The following CYB5D2 variants were observed in gnomAD, a reference collection of about 807,000 sequenced individuals.
CYB5D2 encodes cytochrome b5 domain containing 2.
A neutral mutation model predicts 22.8 loss-of-function variants in CYB5D2; 23 were observed. The observed-to-expected ratio is 1.01, with a 90% CI of 0.73 to 1.43. The LOEUF (loss-of-function observed/expected upper bound fraction) is 1.43. CYB5D2 is among the 40% of genes most tolerant of loss of function. CYB5D2 has a pLI of 0.00. For missense variants in CYB5D2, 373 were observed against 357.2 expected, an observed-to-expected ratio of 1.04 and a Z score of -0.36; for synonymous variants, 170 against 152.2, an observed-to-expected ratio of 1.12 and a Z score of -0.86.
chr17:4,143,635 TAGCGCGCGAGAGAGAGAGCGAG>T lies in CYB5D2; in HGVS notation c.-112_-91del, dbSNP rs2058921607. 2.9e-6 allele frequency: 4 copies of T among 1,389,354 alleles called. No homozygotes were observed. Among genetic ancestry groups the T allele is most frequent in the East Asian group, 2.4e-5 (1 of 41,882 alleles). The allele number at this position is 1,389,354 out of a possible 1,614,324, so 86.1% of individuals were successfully genotyped here. A position where few individuals can be genotyped will look rare whatever the true frequency, so the allele number is the denominator to read the frequency against. ...AGACTAAGGGAGGGAGCGCGAGCAC[TAGCGCGCGAGAGAGAGAGCGAG>T]AGCGCGCGCGCCGATGACGTCACGC... On this transcript the variant is annotated 5_prime_UTR_variant, in exon 1 of 4. Transcript: ENST00000301391.
In CYB5D2 at chr17:4,157,590, G is replaced by A. The variant is rs1412961276; in HGVS notation, c.*508G>A. On this transcript the variant is annotated 3_prime_UTR_variant, in exon 4 of 4. Transcript: ENST00000301391. The surrounding 1 kb of genome is among the most constrained non-coding windows in gnomAD (Gnocchi z 4.4). ...TTAAGCACTTAAAATCAGGTGTGGT[G>A]TGTTTTCAAAGGCAGAAGTCTGCAT... The A allele has an allele frequency of 1.3e-5, 2 of 157,568 alleles. No individual in the cohort carries two copies. Among genetic ancestry groups the A allele is most frequent in the African/African-American group, 2.4e-5 (1 of 41,508 alleles). The allele number at this position is 157,568 out of a possible 1,614,324, so 9.8% of individuals were successfully genotyped here. A position where few individuals can be genotyped will look rare whatever the true frequency, so the allele number is the denominator to read the frequency against.
intron 2 of CYB5D2, among the ~76,000 whole-genome samples, chr17:4,152,157 G>C (rs1448614628): frequency 1.3e-5 from 2 of 152,182 alleles, no homozygotes; most frequent in East Asian, 3.8e-4. Context: ...ATAATGTGTT[G>C]AGGATGGGGT....
intron 2 of CYB5D2, among the ~76,000 whole-genome samples, chr17:4,153,494 T>C (rs2059080099): frequency 6.6e-6 from 1 of 152,252 alleles, no homozygotes; most frequent in South Asian, 2.1e-4. Flanking sequence ...CATTTTTGTC[T>C]GCTTTAAGAA....
intron 1 of CYB5D2, among the ~76,000 whole-genome samples, chr17:4,145,698 T>C (rs1426889030): frequency 6.6e-6 from 1 of 152,238 alleles, no homozygotes; most frequent in African/African-American, 2.4e-5. Flanking sequence ...ACAGTCTAGT[T>C]GGGAAGCAGT....
rs1254604906 is a variant in CYB5D2 at position 4,156,961 on chromosome 17, C to T, written c.674C>T (p.Pro225Leu). 2.5e-6 allele frequency: 4 copies of T among 1,612,716 alleles called. No individual in the cohort carries two copies. The highest frequency in any genetic ancestry group is 2.5e-6 in the Non-Finnish European group (3 of 1,180,036). Reference protein sequence around the residue: ...PRCVCVRTTGPPSGQMPDNPP... With the variant: ...PRCVCVRTTGLPSGQMPDNPP... ...TGCGTGTGTGTGAGAACCACCGGCC[C>T]CCCTAGTGGCCAGATGCCGGACAAC... Residue 225 changes from proline to leucine, a missense_variant, in exon 4 of 4, where the codon CCC becomes CTC. Transcript: ENST00000301391.
chr17:4,150,348 G>A (rs567429780), intron 2 of CYB5D2, among the ~76,000 whole-genome samples: 1 of 152,236 alleles, frequency 6.6e-6, no homozygotes, highest in African/African-American at 2.4e-5. Flanking sequence ...CACTGTGTTC[G>A]ATGCATCTGG....
chr17:4,149,431 A>T (rs1199971277), intron 1 of CYB5D2, among the ~76,000 whole-genome samples: 2 of 152,222 alleles, frequency 1.3e-5, no homozygotes, highest in Non-Finnish European at 2.9e-5. Flanking sequence ...AAGGTCTAGG[A>T]GCATCTTTCA....
chr17:4,148,748 C>G (rs537637314), intron 1 of CYB5D2, among the ~76,000 whole-genome samples: 39 of 152,176 alleles, frequency 2.6e-4, no homozygotes, highest in African/African-American at 8.7e-4. Flanking sequence ...CGCTTGAACC[C>G]GTGAGGCAGA....
Position 4,157,407 on chromosome 17 carries a change from C to T in CYB5D2, c.*325C>T, listed in dbSNP as rs1440367104. On this transcript the variant is annotated 3_prime_UTR_variant, in exon 4 of 4. Coordinates refer to ENST00000301391, the MANE Select transcript of CYB5D2 (RefSeq NM_144611.4). The surrounding 1 kb of genome is among the most constrained non-coding windows in gnomAD (Gnocchi z 4.4). ...TCCACTTGAATTTACAACCAAAAGC[C>T]TGCTGAGTTGATTACAGCTGGGCCA... The T allele has an allele frequency of 2.4e-6, 1 of 415,436 alleles. No homozygotes were observed. The highest frequency in any genetic ancestry group is 4.5e-6 in the Non-Finnish European group (1 of 223,492). 25.7% of individuals were successfully genotyped at this position (415,436 alleles called of 1,614,324 possible).
intron 2 of CYB5D2, among the ~76,000 whole-genome samples, chr17:4,154,302 A>C (rs1444022525): frequency 2.6e-5 from 4 of 152,240 alleles, no homozygotes; most frequent in African/African-American, 7.2e-5. Flanking sequence ...CATTTAAAAA[A>C]TGTTAGCCAA....
Position 4,157,121 on chromosome 17 carries a change from G to A in CYB5D2, c.*39G>A. The A allele has an allele frequency of 6.2e-7, 1 of 1,603,648 alleles. No homozygotes were observed. Among genetic ancestry groups the A allele is most frequent in the Non-Finnish European group, 8.5e-7 (1 of 1,175,222 alleles). ...CTGTTAATAACACACAGAGAGCTCT[G>A]CCAAGCACCTGAGTAGGCCCTTGAC... On this transcript the variant is annotated 3_prime_UTR_variant, in exon 4 of 4. Coordinates refer to ENST00000301391, the MANE Select transcript of CYB5D2 (RefSeq NM_144611.4). This position sits in a 1 kb window ranked among gnomAD's most constrained non-coding sequence, Gnocchi z 4.4.
chr17:4,157,033 AGTACACAGGCTGC>A lies in CYB5D2; in HGVS notation c.747_759del (p.Glu249AspfsTer4), dbSNP rs2059119961. 3 of 1,612,474 alleles carry A rather than the reference AGTACACAGGCTGC, an allele frequency of 1.9e-6. No individual in the cohort carries two copies. Among genetic ancestry groups the A allele is most frequent in the African/African-American group, 2.7e-5 (2 of 74,844 alleles). On this transcript the variant is annotated frameshift_variant, in exon 4 of 4. Coordinates refer to ENST00000301391, the MANE Select transcript of CYB5D2 (RefSeq NM_144611.4). LOFTEE classifies it high-confidence loss of function. This position sits in a 1 kb window ranked among gnomAD's most constrained non-coding sequence, Gnocchi z 4.4. ...GACCTGGACCACCCAAACTTGGCAG[AGTACACAGGCTGC>A]CCACCGCTAGCCATCACATGCTCCT...
chr17:4,152,092 G>A (rs1448182964), intron 2 of CYB5D2, among the ~76,000 whole-genome samples: 2 of 152,196 alleles, frequency 1.3e-5, no homozygotes, highest in African/African-American at 2.4e-5. Flanking sequence ...GAGCACACTG[G>A]AAGTGTTCGG....
At chr17:4,155,148 A>G (rs867356047) in intron 3 of CYB5D2, among the ~76,000 whole-genome samples, 2 of 152,060 alleles carry the variant, frequency 1.3e-5, no homozygotes, top group Admixed American at 1.3e-4. Context: ...TGCTGACACA[A>G]CCTTGACCCG....
chr17:4,145,112 C>G (rs373590012), intron 1 of CYB5D2, among the ~76,000 whole-genome samples: 18 of 152,076 alleles, frequency 1.2e-4, no homozygotes, highest in African/African-American at 4.1e-4. Context: ...ACAGATGTTG[C>G]CTTGCCAGCC....
chr17:4,143,561 G>A lies in CYB5D2; in HGVS notation c.-195G>A. 3 of 652,330 alleles carry A rather than the reference G, an allele frequency of 4.6e-6. No individual in the cohort carries two copies. Among genetic ancestry groups the A allele is most frequent in the Non-Finnish European group, 7.2e-6 (3 of 414,944 alleles). 40.4% of individuals were successfully genotyped at this position (652,330 alleles called of 1,614,324 possible). A position where few individuals can be genotyped will look rare whatever the true frequency, so the allele number is the denominator to read the frequency against. On this transcript the variant is annotated 5_prime_UTR_variant, in exon 1 of 4. Coordinates refer to ENST00000301391, the MANE Select transcript of CYB5D2 (RefSeq NM_144611.4). ...AAAAAAAAAGTACCTGGAAAAAGTC[G>A]CAGACAGCGAGCTTTTCGCCAGTGC...
intron 2 of CYB5D2, among the ~76,000 whole-genome samples, chr17:4,150,729 T>C (rs2059047369): frequency 6.6e-6 from 1 of 151,948 alleles, no homozygotes; most frequent in African/African-American, 2.4e-5. Flanking sequence ...TACTAAAAAA[T>C]ACAAAAATTA....
At chr17:4,146,037 G>A (rs2058986901) in intron 1 of CYB5D2, among the ~76,000 whole-genome samples, 2 of 152,184 alleles carry the variant, frequency 1.3e-5, no homozygotes, top group South Asian at 4.1e-4. Context: ...GAGCTCAAGT[G>A]ATTCAGCCGC....
In CYB5D2 at chr17:4,154,687, A is replaced by G. The variant is rs117871271; in HGVS notation, c.405A>G (p.Gly135=). ...CTGTCATCACAGGGAGGGTGACAGG[A>G]CGGTTCTACGGAGAGGATGGGCTGC... ...KNYVCVGRVT[G]RFYGEDGLPT... The change falls in exon 3 of 4, where the codon GGA becomes GGG. Residue 135 remains glycine (G), a synonymous_variant. Coordinates refer to ENST00000301391, the MANE Select transcript of CYB5D2 (RefSeq NM_144611.4). 5.6e-4 allele frequency: 904 copies of G among 1,613,892 alleles called. 8 individuals carry two copies. In the East Asian group the frequency reaches 0.015, roughly 27 times the overall value.
Sources: gnomAD v4.1 joint callset for allele counts (sites outside exome capture counted in the v4.1 genomes callset) on GRCh38, gnomAD v4.1.1 for gene constraint, Gnocchi (gnomAD v3.1) non-coding constraint, MANE v1.5 for transcripts, NCBI Gene and HGNC (gene_info 2026-07-23, HGNC 2026-07-21) for gene names.